The following PHLPP1 variants were observed in gnomAD, a reference collection of about 807,000 sequenced individuals.
PHLPP1 encodes the protein PH domain and leucine rich repeat protein phosphatase 1, also known as PH domain leucine-rich repeat-containing protein phosphatase 1.
Under a neutral mutation model 117.2 loss-of-function variants are expected in PHLPP1, and 42 were observed. The observed-to-expected ratio is 0.36, with a 90% CI of 0.28 to 0.46. The LOEUF (loss-of-function observed/expected upper bound fraction) is 0.46, where lower values mean the gene tolerates loss of function less well. PHLPP1 is among the 20% of genes least tolerant of loss of function. The pLI, the probability that PHLPP1 is intolerant of heterozygous loss-of-function variation, is 1.00. For synonymous variants in PHLPP1, 1,042 were observed against 970.7 expected, an observed-to-expected ratio of 1.07 and a Z score of -1.37; for missense variants, 2,084 against 2,241.9, an observed-to-expected ratio of 0.93 and a Z score of 1.42.
At chr18:62,926,523 C>T (rs1321804715) in intron 10 of PHLPP1, among the ~76,000 whole-genome samples, 3 of 152,066 alleles carry the variant, frequency 2.0e-5, no homozygotes, top group African/African-American at 7.2e-5. Context: ...ATGAGATGGG[C>T]GAGTCCACCC....
At chr18:62,837,222 G>A (rs549700339) in intron 2 of PHLPP1, among the ~76,000 whole-genome samples, 8 of 152,116 alleles carry the variant, frequency 5.3e-5, no homozygotes, top group Non-Finnish European at 1.2e-4. Flanking sequence ...CAACTCCTGG[G>A]CTCAAGCGAT....
chr18:62,924,426 G>A (rs1909564066), intron 10 of PHLPP1, among the ~76,000 whole-genome samples: 2 of 152,112 alleles, frequency 1.3e-5, no homozygotes, highest in Admixed American at 1.3e-4. Flanking sequence ...AGAGAAGCAT[G>A]TGTTGTTGGA....
intron 14 of PHLPP1, among the ~76,000 whole-genome samples, chr18:62,964,179 A>G (rs1247633573): frequency 1.3e-5 from 2 of 152,214 alleles, no homozygotes; most frequent in African/African-American, 4.8e-5. Context: ...GCTGAAGTAT[A>G]AGAACACAGA....
At chr18:62,735,348 T>G (rs1911342212) in intron 1 of PHLPP1, among the ~76,000 whole-genome samples, 1 of 152,178 alleles carries the variant, frequency 6.6e-6, no homozygotes, top group Non-Finnish European at 1.5e-5. Context: ...CCTCCCAAAG[T>G]GCTGGGATTA....
chr18:62,966,297 C>A (rs924801781), intron 14 of PHLPP1, among the ~76,000 whole-genome samples: 7 of 151,912 alleles, frequency 4.6e-5, no homozygotes, highest in Admixed American at 2.0e-4. Flanking sequence ...TATTATTTAT[C>A]CCTGAGCTCC....
At chr18:62,729,697 G>A (rs995426792) in intron 1 of PHLPP1, among the ~76,000 whole-genome samples, 1 of 151,954 alleles carries the variant, frequency 6.6e-6, no homozygotes, top group African/African-American at 2.4e-5. Flanking sequence ...TAAATGAAAT[G>A]AAACTGTGGT....
chr18:62,957,516 A>T (rs904904526), intron 12 of PHLPP1, among the ~76,000 whole-genome samples: 1 of 151,372 alleles, frequency 6.6e-6, no homozygotes, highest in South Asian at 2.1e-4. Flanking sequence ...CCAATTTCTT[A>T]TTCAGTTTCT....
At chr18:62,805,690 A>G (rs1272654397) in intron 1 of PHLPP1, among the ~76,000 whole-genome samples, 1 of 152,032 alleles carries the variant, frequency 6.6e-6, no homozygotes, top group Non-Finnish European at 1.5e-5. Flanking sequence ...GTGTCTTTCG[A>G]TGGCATACAC....
chr18:62,831,369 GCT>G (rs1914752378), intron 2 of PHLPP1, among the ~76,000 whole-genome samples: 2 of 148,462 alleles, frequency 1.3e-5, no homozygotes, highest in Non-Finnish European at 3.0e-5. Flanking sequence ...ATGGAGTCTT[GCT>G]CTGTTTCCCA....
At chr18:62,967,606 C>G (rs1406208261) in intron 14 of PHLPP1, among the ~76,000 whole-genome samples, 2 of 151,904 alleles carry the variant, frequency 1.3e-5, no homozygotes, top group African/African-American at 4.8e-5. Flanking sequence ...TAATTCTCTT[C>G]TATATCTAGT....
intron 1 of PHLPP1, among the ~76,000 whole-genome samples, chr18:62,803,004 G>C (rs1471227701): frequency 6.6e-6 from 1 of 151,920 alleles, no homozygotes; most frequent in Non-Finnish European, 1.5e-5. Flanking sequence ...TTGAGAGTAG[G>C]GTGGAGAATG....
At chr18:62,769,894 T>C (rs1479211540) in intron 1 of PHLPP1, among the ~76,000 whole-genome samples, 3 of 152,206 alleles carry the variant, frequency 2.0e-5, no homozygotes, top group Non-Finnish European at 4.4e-5. Context: ...CTTTTTGTTC[T>C]TCTTGTACTT....
intron 12 of PHLPP1, among the ~76,000 whole-genome samples, chr18:62,954,410 T>G (rs908978568): frequency 1.6e-4 from 24 of 152,250 alleles, no homozygotes; most frequent in Non-Finnish European, 2.6e-4. Context: ...GGTCTTTTTT[T>G]ATTCCAGTTT....
intron 3 of PHLPP1, among the ~76,000 whole-genome samples, chr18:62,850,047 A>G (rs887339116): frequency 1.3e-5 from 2 of 148,818 alleles, no homozygotes; most frequent in African/African-American, 2.5e-5. Context: ...TGAACCTTGT[A>G]TATTAGACTT....
chr18:62,807,397 A>G (rs1369065428), intron 1 of PHLPP1, among the ~76,000 whole-genome samples: 1 of 152,232 alleles, frequency 6.6e-6, no homozygotes, highest in Non-Finnish European at 1.5e-5. Context: ...TGTATTGAGT[A>G]TTTGCTCTAA....
chr18:62,876,647 C>T (rs528087322), intron 4 of PHLPP1, among the ~76,000 whole-genome samples: 63 of 152,250 alleles, frequency 4.1e-4, no homozygotes, highest in Admixed American at 2.2e-3. Flanking sequence ...CTTTGAGCAG[C>T]GGAACCATTT....
At chr18:62,959,187 C>G (rs1432023676) in intron 13 of PHLPP1, among the ~76,000 whole-genome samples, 1 of 152,128 alleles carries the variant, frequency 6.6e-6, no homozygotes, top group Admixed American at 6.5e-5. Context: ...CTATGTAAAA[C>G]CTTAAAGGTC....
intron 14 of PHLPP1, among the ~76,000 whole-genome samples, chr18:62,970,184 G>GT (rs1456607044): frequency 6.6e-6 from 1 of 152,128 alleles, no homozygotes; most frequent in Non-Finnish European, 1.5e-5. Flanking sequence ...TTACCTTCAA[G>GT]TAATAGTAAT....
intron 1 of PHLPP1, among the ~76,000 whole-genome samples, chr18:62,758,416 C>A (rs544168419): frequency 1.3e-5 from 2 of 152,126 alleles, no homozygotes; most frequent in Non-Finnish European, 2.9e-5. Flanking sequence ...GGTATCCTTT[C>A]GTGCTCAACC....
Sources: gnomAD v4.1 joint callset for allele counts (sites outside exome capture counted in the v4.1 genomes callset) on GRCh38, gnomAD v4.1.1 for gene constraint, MANE v1.5 for transcripts, NCBI Gene and HGNC (gene_info 2026-07-23, HGNC 2026-07-21) for gene names.